KIAA1217: variants seen among roughly 807,000 people sequenced by gnomAD.
The protein encoded by KIAA1217 is KIAA1217, also known as sickle tail protein homolog.
Under a neutral mutation model 163.9 loss-of-function variants are expected in KIAA1217, and 88 were observed. The ratio of observed to expected loss-of-function variants is 0.54; its 90% CI spans 0.45 to 0.64. The LOEUF (loss-of-function observed/expected upper bound fraction) is 0.64, where lower values mean the gene tolerates loss of function less well. Among genes scored for constraint, KIAA1217 ranks in the 30% least tolerant of loss-of-function variants. The pLI is 0.00. For missense variants in KIAA1217, 2,372 were observed against 2,475.0 expected (o/e 0.96, Z 0.88); for synonymous variants, 903 against 923.1 (o/e 0.98, Z 0.39).
intron 2 of KIAA1217, among the ~76,000 whole-genome samples, chr10:24,267,116 G>C (rs1179351356): frequency 6.6e-6 from 1 of 152,118 alleles, no homozygotes; most frequent in Non-Finnish European, 1.5e-5. Context: ...TGAGGAGTTT[G>C]GAGTAGAAAT....
intron 2 of KIAA1217, among the ~76,000 whole-genome samples, chr10:24,123,433 C>A (rs1486328464): frequency 3.3e-5 from 5 of 151,944 alleles, no homozygotes; most frequent in South Asian, 2.1e-4. Context: ...TGCAGTTTTG[C>A]CATTACAACC....
intron 1 of KIAA1217, among the ~76,000 whole-genome samples, chr10:23,999,396 A>T (rs1449867612): frequency 6.6e-6 from 1 of 152,160 alleles, no homozygotes; most frequent in Non-Finnish European, 1.5e-5. Context: ...AAGGAGCAGG[A>T]GCAATGTGGC....
chr10:24,348,696 A>G lies in KIAA1217; in HGVS notation c.355-32173A>G, dbSNP rs543181190. Among the ~76,000 whole-genome samples the G allele has an allele frequency of 8.5e-5, 13 of 152,312 alleles. No individual in the cohort carries two copies. In the South Asian group the frequency reaches 2.5e-3, roughly 29 times the overall value. On this transcript the variant is annotated intron_variant, in intron 2 of 20. Coordinates refer to ENST00000376454, the MANE Select transcript of KIAA1217 (RefSeq NM_019590.5). Reference sequence around the variant, plus strand: ...CTGCATGTTCCATAGAATCTTACAGATAATGGATCTCAAGAATAAGCAGGC... The same window carrying G: ...CTGCATGTTCCATAGAATCTTACAGGTAATGGATCTCAAGAATAAGCAGGC...
At chr10:24,175,531 T>G (rs1169064303) in intron 2 of KIAA1217, among the ~76,000 whole-genome samples, 2 of 152,188 alleles carry the variant, frequency 1.3e-5, no homozygotes, top group African/African-American at 4.8e-5. Context: ...TCCAGGTTGC[T>G]GCAAATGCCA....
chr10:23,715,638 T>A (rs532594277), intron 1 of KIAA1217, among the ~76,000 whole-genome samples: 11 of 152,154 alleles, frequency 7.2e-5, no homozygotes, highest in Admixed American at 1.3e-4. Flanking sequence ...AAAATGAGCA[T>A]GAAGTGATGA....
intron 2 of KIAA1217, among the ~76,000 whole-genome samples, chr10:24,049,335 G>A (rs923806822): frequency 6.6e-6 from 1 of 152,140 alleles, no homozygotes; most frequent in East Asian, 1.9e-4. Context: ...AGAATTAACA[G>A]TCTCCGAGTT....
chr10:24,183,077 C>G (rs989265856), intron 2 of KIAA1217, among the ~76,000 whole-genome samples: 29 of 152,110 alleles, frequency 1.9e-4, no homozygotes, highest in African/African-American at 7.0e-4. Flanking sequence ...CCCACAAGAG[C>G]GGGTTGCTAT....
chr10:23,980,101 T>C (rs1478105923), intron 1 of KIAA1217, among the ~76,000 whole-genome samples: 1 of 152,224 alleles, frequency 6.6e-6, no homozygotes, highest in Non-Finnish European at 1.5e-5. Context: ...CCTTTGCAGA[T>C]TCTCATTTTC....
At position 24,193,254 on chromosome 10, in the gene KIAA1217, T is replaced by A. The variant is rs112506507; in HGVS notation, c.-170-26372T>A. 9.4e-3 allele frequency among the ~76,000 whole-genome samples: 1,428 copies of A among 152,306 alleles called. 24 individuals carry two copies. Among genetic ancestry groups the A allele is most frequent in the African/African-American group, 0.032 (1,321 of 41,566 alleles). ...CTTACATTATTAATGGCTAAAAAGC[T>A]CTAGCTTCTTAAGGTTCCCTCAGTA... is the stretch of plus-strand genomic sequence containing the variant. On this transcript the variant is annotated intron_variant, in intron 2 of 18. Coordinates refer to the KIAA1217 transcript ENST00000376462.
intron 1 of KIAA1217, among the ~76,000 whole-genome samples, chr10:23,726,653 A>G (rs1215359086): frequency 6.6e-6 from 1 of 152,176 alleles, no homozygotes; most frequent in East Asian, 1.9e-4. Flanking sequence ...CAATCTACTC[A>G]TCTGACAAAG....
chr10:23,828,793 A>G (rs181977160), intron 1 of KIAA1217, among the ~76,000 whole-genome samples: 1 of 152,290 alleles, frequency 6.6e-6, no homozygotes, highest in East Asian at 1.9e-4. Context: ...GGTGCATGTA[A>G]TTATTAGAAA....
At chr10:24,096,260 G>C (rs1056875523) in intron 2 of KIAA1217, among the ~76,000 whole-genome samples, 1 of 152,094 alleles carries the variant, frequency 6.6e-6, no homozygotes, top group Non-Finnish European at 1.5e-5. Flanking sequence ...CTCCCTCTTT[G>C]TCATTTCCCT....
At chr10:24,027,289 A>G (rs1847996258) in intron 2 of KIAA1217, among the ~76,000 whole-genome samples, 1 of 152,162 alleles carries the variant, frequency 6.6e-6, no homozygotes, top group East Asian at 1.9e-4. Context: ...GACCTGGGGC[A>G]TTCACTGGGC....
chr10:24,016,637 A>G (rs538848158), intron 2 of KIAA1217, among the ~76,000 whole-genome samples: 117 of 152,244 alleles, frequency 7.7e-4, no homozygotes, highest in Middle Eastern at 3.4e-3. Flanking sequence ...TTGTAACTAT[A>G]GTAATTAAGG....
At chr10:23,810,539 T>C (rs1049139459) in intron 1 of KIAA1217, among the ~76,000 whole-genome samples, 1 of 132,122 alleles carries the variant, frequency 7.6e-6, no homozygotes, top group African/African-American at 2.8e-5. Context: ...ATAGTATATA[T>C]AGTATAATCT....
intron 2 of KIAA1217, among the ~76,000 whole-genome samples, chr10:24,369,989 G>A (rs1278628308): frequency 6.6e-6 from 1 of 152,166 alleles, no homozygotes; most frequent in African/African-American, 2.4e-5. Flanking sequence ...TACCTGGCCG[G>A]GCGCGGCGGC....
chr10:24,336,159 G>A (rs757754313), intron 2 of KIAA1217, among the ~76,000 whole-genome samples: 13 of 152,092 alleles, frequency 8.5e-5, no homozygotes, highest in African/African-American at 3.1e-4. Context: ...GGAGAATCTC[G>A]TGAACATGGG....
In KIAA1217 at chr10:23,707,084, G is replaced by C. The variant is rs77644717; in HGVS notation, c.-321+11850G>C. On this transcript the variant is annotated intron_variant, in intron 1 of 18. Transcript: ENST00000376462. ...AACTTATTACCAAAAAGTTTAAATA[G>C]ACCTGACTCCTGTCCTATGAGAACA... 8.3e-3 allele frequency among the ~76,000 whole-genome samples: 1,268 copies of C among 152,270 alleles called. 11 individuals carry two copies. Among genetic ancestry groups the C allele is most frequent in the South Asian group, 0.062 (301 of 4,824 alleles).
At chr10:24,284,311 T>C (rs1368486471) in intron 2 of KIAA1217, among the ~76,000 whole-genome samples, 1 of 152,142 alleles carries the variant, frequency 6.6e-6, no homozygotes, top group African/African-American at 2.4e-5. Context: ...TTTGGGCTTC[T>C]ATAAAACCTG....
Sources: gnomAD v4.1 joint callset for allele counts (sites outside exome capture counted in the v4.1 genomes callset) on GRCh38, gnomAD v4.1.1 for gene constraint, MANE v1.5 for transcripts, NCBI Gene and HGNC (gene_info 2026-07-23, HGNC 2026-07-21) for gene names.